SYN3: variants seen among roughly 807,000 people sequenced by gnomAD.
The protein encoded by SYN3 is synapsin-3.
In SYN3, 35 loss-of-function variants were observed where a neutral mutation model predicts 65.8. The ratio of observed to expected loss-of-function variants is 0.53; its 90% CI spans 0.41 to 0.70. SYN3 has a LOEUF of 0.70. Among genes scored for constraint, SYN3 ranks in the 30% least tolerant of loss-of-function variants. The probability of loss-of-function intolerance (pLI) is 0.00; values close to 1 mark genes in which losing one functional copy is unlikely to be tolerated. For missense variants in SYN3, 680 were observed against 749.0 expected (o/e 0.91, Z 1.08); for synonymous variants, 270 against 292.9 (o/e 0.92, Z 0.80).
At chr22:32,802,236 G>GAAA in intron 6 of SYN3, 4 of 1,443,968 alleles carry the variant, frequency 2.8e-6, no homozygotes, top group South Asian at 1.3e-5. Context: ...AGGGGCAGAC[G>GAAA]GGGTTGGGGC....
chr22:32,996,972 G>A (rs1052856057), intron 2 of SYN3, among the ~76,000 whole-genome samples: 2 of 152,182 alleles, frequency 1.3e-5, no homozygotes, highest in Admixed American at 6.5e-5. Flanking sequence ...GCTCTCAGAC[G>A]CTGGGTGTGT....
At chr22:32,866,291 C>T (rs1854391288) in intron 5 of SYN3, among the ~76,000 whole-genome samples, 2 of 152,114 alleles carry the variant, frequency 1.3e-5, no homozygotes, top group African/African-American at 4.8e-5. Flanking sequence ...CTGCATCCAC[C>T]CAAGATTGGT....
At chr22:32,532,533 T>C (rs2058093320) in intron 10 of SYN3, among the ~76,000 whole-genome samples, 1 of 152,292 alleles carries the variant, frequency 6.6e-6, no homozygotes, top group Non-Finnish European at 1.5e-5. Flanking sequence ...GGTCTGCTAA[T>C]GCAGATGCAG....
At chr22:32,804,975 C>T (rs2046686836) in intron 6 of SYN3, among the ~76,000 whole-genome samples, 1 of 152,142 alleles carries the variant, frequency 6.6e-6, no homozygotes, top group African/African-American at 2.4e-5. Context: ...CTCTGTCCAG[C>T]TCAGGAAGGG....
chr22:32,996,374 C>T (rs1236601590), intron 2 of SYN3, among the ~76,000 whole-genome samples: 1 of 152,120 alleles, frequency 6.6e-6, no homozygotes, highest in Non-Finnish European at 1.5e-5. Flanking sequence ...AGGAGAGGAA[C>T]TCGGCACTCT....
At chr22:32,743,031 A>G (rs1321702051) in intron 6 of SYN3, among the ~76,000 whole-genome samples, 1 of 152,250 alleles carries the variant, frequency 6.6e-6, no homozygotes, top group African/African-American at 2.4e-5. Context: ...TGTCCATTCA[A>G]TAATAGTGAA....
At chr22:32,958,284 C>A (rs1274018556) in intron 3 of SYN3, among the ~76,000 whole-genome samples, 19 of 152,180 alleles carry the variant, frequency 1.2e-4, no homozygotes, top group Admixed American at 1.2e-3. Context: ...GAAGTGCAAA[C>A]AGGATACAAG....
chr22:32,892,253 G>A (rs1052334798), intron 4 of SYN3, among the ~76,000 whole-genome samples: 7 of 152,030 alleles, frequency 4.6e-5, no homozygotes, highest in African/African-American at 7.2e-5. Context: ...CTGAGATCAC[G>A]CCACTGCACT....
chr22:32,952,315 G>T (rs1361377937), intron 3 of SYN3, among the ~76,000 whole-genome samples: 1 of 151,150 alleles, frequency 6.6e-6, no homozygotes, highest in Non-Finnish European at 1.5e-5. Flanking sequence ...TGTGTGTGTG[G>T]ACAGGCAGGG....
At chr22:33,020,890 C>G (rs1388827134) in intron 1 of SYN3, among the ~76,000 whole-genome samples, 1 of 152,186 alleles carries the variant, frequency 6.6e-6, no homozygotes. Flanking sequence ...AATTACTTAG[C>G]CTCTCTGTGC....
Position 32,917,807 on chromosome 22 carries a change from G to A in SYN3, c.461+13583C>T, listed in dbSNP as rs77784046. On this transcript the variant is annotated intron_variant, in intron 4 of 13. Coordinates refer to ENST00000358763, the MANE Select transcript of SYN3 (RefSeq NM_003490.4). ...CTGTTGGCTGGAGGTGCACAGCAGC[G>A]GAGCCTGGCATCGCTTTACAGGCTC... 8.0e-3 allele frequency among the ~76,000 whole-genome samples: 1,221 copies of A among 152,362 alleles called. 6 individuals are homozygous for A. Among genetic ancestry groups the A allele is most frequent in the East Asian group, 0.025 (128 of 5,186 alleles).
At chr22:33,040,503 A>T (rs905930619) in intron 1 of SYN3, among the ~76,000 whole-genome samples, 1 of 151,962 alleles carries the variant, frequency 6.6e-6, no homozygotes, top group African/African-American at 2.4e-5. Flanking sequence ...TGACTGTCAC[A>T]TTTTTTTCAA....
chr22:32,606,196 T>C (rs1309356761), intron 6 of SYN3, among the ~76,000 whole-genome samples: 1 of 152,110 alleles, frequency 6.6e-6, no homozygotes, highest in Non-Finnish European at 1.5e-5. Flanking sequence ...TGTTATTCCT[T>C]GGAAGCAGGA....
At chr22:32,694,104 A>C (rs1027418671) in intron 6 of SYN3, among the ~76,000 whole-genome samples, 1 of 149,908 alleles carries the variant, frequency 6.7e-6, no homozygotes, top group Admixed American at 6.6e-5. Context: ...TTTATTTTTA[A>C]TGTTTTCTCT....
chr22:32,713,454 G>A (rs2060992330), intron 6 of SYN3, among the ~76,000 whole-genome samples: 1 of 152,214 alleles, frequency 6.6e-6, no homozygotes, highest in South Asian at 2.1e-4. Flanking sequence ...TGAAGATCAT[G>A]TGGGTTCTGT....
chr22:32,866,955 G>A (rs371888044), intron 5 of SYN3, among the ~76,000 whole-genome samples: 23 of 152,222 alleles, frequency 1.5e-4, no homozygotes, highest in East Asian at 3.9e-4. Flanking sequence ...CATTCTAAGC[G>A]TTTTCATCTA....
chr22:32,882,114 C>T (rs973818753), intron 4 of SYN3, among the ~76,000 whole-genome samples: 1 of 151,642 alleles, frequency 6.6e-6, no homozygotes, highest in African/African-American at 2.4e-5. Flanking sequence ...CAGGATGTGA[C>T]GTCTGTCTGT....
In SYN3 at chr22:32,935,285, T is replaced by TTCTCTCTC. The variant is rs34290935; in HGVS notation, c.370-3812_370-3805dup. Among the ~76,000 whole-genome samples the TTCTCTCTC allele has an allele frequency of 3.6e-3, 520 of 144,778 alleles. 3 individuals are homozygous for TTCTCTCTC. The highest frequency in any genetic ancestry group is 0.012 in the African/African-American group (468 of 39,076). 95.0% of individuals were successfully genotyped at this position (144,778 alleles called of 152,430 possible). On this transcript the variant is annotated intron_variant, in intron 3 of 13. Transcript: ENST00000358763. ...ACCTAGACTCATTCTCTCTCTCTCT[T>TTCTCTCTC]TCTCTCTCTCTCTCTCTCTCTCTCA...
rs1328704456 is a variant in SYN3 at position 32,513,374 on chromosome 22, CGCAG to C, written c.*314_*317del. 1 of 256,844 alleles carries C rather than the reference CGCAG, an allele frequency of 3.9e-6. No individual in the cohort carries two copies. Among genetic ancestry groups the C allele is most frequent in the African/African-American group, 2.2e-5 (1 of 45,924 alleles). The allele number at this position is 256,844 out of a possible 1,614,324, so 15.9% of individuals were successfully genotyped here. ...AGTAAGAATGTGAAAACTAGCCACT[CGCAG>C]ACATCTCACTTGGTTATCTGGCAGG... is the stretch of plus-strand genomic sequence containing the variant. On this transcript the variant is annotated 3_prime_UTR_variant, in exon 14 of 14. Transcript: ENST00000358763.
Sources: allele counts gnomAD v4.1 joint callset (sites outside exome capture counted in the v4.1 genomes callset), GRCh38; gene constraint gnomAD v4.1.1; transcripts MANE v1.5; gene names NCBI Gene and HGNC (gene_info 2026-07-23, HGNC 2026-07-21).